LARP4B: variants seen among roughly 807,000 people sequenced by gnomAD.
LARP4B encodes la-related protein 4B.
A neutral mutation model predicts 89.8 loss-of-function variants in LARP4B; 12 were observed. The observed-to-expected ratio is 0.13, with a 90% CI of 0.09 to 0.22. The LOEUF is 0.22. Ranked by LOEUF, LARP4B falls within the 10% of genes least tolerant of loss-of-function variation. The pLI is 1.00. For synonymous variants in LARP4B, 367 were observed against 363.3 expected (o/e 1.01, Z -0.12); for missense variants, 757 against 947.7 (o/e 0.80, Z 2.64).
At chr10:882,347 T>C (rs1835703692) in intron 3 of LARP4B, among the ~76,000 whole-genome samples, 1 of 152,068 alleles carries the variant, frequency 6.6e-6, no homozygotes, top group Non-Finnish European at 1.5e-5. Context: ...GACAATCATG[T>C]CACTCATTAT....
intron 3 of LARP4B, among the ~76,000 whole-genome samples, chr10:870,603 T>C (rs1198572005): frequency 6.6e-6 from 1 of 152,230 alleles, no homozygotes; most frequent in Non-Finnish European, 1.5e-5. Context: ...AGAGTGGACT[T>C]GGCGTTTCCT....
At chr10:960,999 A>G in the LARP4B span, among the ~76,000 whole-genome samples, 1 of 152,214 alleles carries the variant, frequency 6.6e-6, no homozygotes. Context: ...GGAGCACAGC[A>G]GGAGCGGAAG....
chr10:939,412 C>G, the LARP4B span, among the ~76,000 whole-genome samples: 1 of 152,214 alleles, frequency 6.6e-6, no homozygotes, highest in African/African-American at 2.4e-5. Context: ...TTATAACTCT[C>G]TAGGGCTACA....
At chr10:919,590 G>C (rs1836925310) in intron 1 of LARP4B, among the ~76,000 whole-genome samples, 1 of 151,952 alleles carries the variant, frequency 6.6e-6, no homozygotes, top group African/African-American at 2.4e-5. Flanking sequence ...AGTTTCTTAA[G>C]AGTGTAAGAT....
downstream of LARP4B, chr10:807,976 G>T (rs1007196582): frequency 2.0e-5 from 3 of 152,238 alleles, no homozygotes; most frequent in African/African-American, 7.2e-5. Flanking sequence ...TTCTTCAGTT[G>T]GTTCAATCCA....
the LARP4B span, chr10:988,174 C>A: frequency 2.9e-6 from 1 of 349,486 alleles, no homozygotes; most frequent in Non-Finnish European, 5.3e-6. Flanking sequence ...TCCAGAAACC[C>A]GCAGGGCAGT....
At chr10:863,631 A>T in intron 5 of LARP4B, 112 bp downstream of exon 5, 2 of 1,194,872 alleles carry the variant, frequency 1.7e-6, no homozygotes, top group Non-Finnish European at 2.3e-6. Context: ...AAGTAGAATT[A>T]AAAGCAGGCA....
chr10:873,086 A>T, intron 3 of LARP4B: 1 of 985,374 alleles, frequency 1.0e-6, no homozygotes, highest in Non-Finnish European at 1.2e-6. Context: ...TTTTTGTAAC[A>T]GGCCAGTTTT....
In LARP4B at chr10:863,207, G is replaced by C. The variant is rs997786858; in HGVS notation, c.430+536C>G. ...ACCTCTGCACTTTTACTGACACTTC[G>C]CACTACTAAATAGGTTTCATTTTTT... On this transcript the variant is annotated intron_variant, in intron 5 of 17. Coordinates refer to ENST00000316157, the MANE Select transcript of LARP4B (RefSeq NM_015155.3). Among the ~76,000 whole-genome samples the C allele has an allele frequency of 2.7e-5, 4 of 149,116 alleles. No individual in the cohort carries two copies. In the South Asian group the frequency reaches 8.5e-4, roughly 32 times the overall value.
At chr10:945,557 G>A in the LARP4B span, among the ~76,000 whole-genome samples, 6 of 151,874 alleles carry the variant, frequency 4.0e-5, no homozygotes, top group South Asian at 2.1e-4. Context: ...GCATGGTGGC[G>A]GGCGCCTGTA....
the LARP4B span, chr10:987,883 G>A: frequency 6.6e-6 from 1 of 152,498 alleles, no homozygotes; most frequent in South Asian, 2.0e-4. Flanking sequence ...GCACGAGAAA[G>A]CAGGGCTGCA....
intron 1 of LARP4B, among the ~76,000 whole-genome samples, chr10:901,657 C>T (rs748343579): frequency 4.6e-5 from 7 of 151,968 alleles, no homozygotes; most frequent in Non-Finnish European, 1.0e-4. Context: ...AAGATACTGA[C>T]GGATAAAAGA....
chr10:818,540 T>A (rs1462871969), intron 14 of LARP4B: 1 of 152,180 alleles, frequency 6.6e-6, no homozygotes, highest in Non-Finnish European at 1.5e-5. Flanking sequence ...GAAAGCAAAC[T>A]CAGTATAATA....
At chr10:862,348 G>C (rs1834667938) in intron 5 of LARP4B, among the ~76,000 whole-genome samples, 1 of 147,624 alleles carries the variant, frequency 6.8e-6, no homozygotes, top group Non-Finnish European at 1.5e-5. Context: ...ACAGTCTTAA[G>C]CCAATGAAGT....
At position 925,731 on chromosome 10, in the gene LARP4B, A is replaced by T. The variant is rs1244300747; in HGVS notation, c.-40+5697T>A. Among the ~76,000 whole-genome samples the T allele has an allele frequency of 2.0e-5, 3 of 152,098 alleles. No homozygotes were observed. In the East Asian group the frequency reaches 5.8e-4, roughly 29 times the overall value. On this transcript the variant is annotated intron_variant, in intron 1 of 17. Transcript: ENST00000316157. The stretch of plus-strand genomic sequence containing the variant: ...GTATTTTTAGTACAGACAGGTTTTC[A>T]CCATGTTGGCCAGGCTGGTCTCGAA...
intron 7 of LARP4B, among the ~76,000 whole-genome samples, chr10:836,736 C>G (rs1296250210): frequency 1.3e-5 from 2 of 152,190 alleles, no homozygotes; most frequent in African/African-American, 4.8e-5. Flanking sequence ...CTAAACAGCT[C>G]AAGCACTAAG....
At chr10:987,230 T>A in the LARP4B span, 1 of 152,236 alleles carries the variant, frequency 6.6e-6, no homozygotes, top group East Asian at 1.9e-4. Flanking sequence ...GCCACAAAGA[T>A]GTAGGAGGTA....
the LARP4B span, among the ~76,000 whole-genome samples, chr10:975,577 G>A: frequency 6.6e-6 from 1 of 152,244 alleles, no homozygotes; most frequent in African/African-American, 2.4e-5. Flanking sequence ...GCTCCACTGC[G>A]TGGCGAATCG....
intron 1 of LARP4B, among the ~76,000 whole-genome samples, chr10:893,058 G>C (rs1250045790): frequency 6.7e-6 from 1 of 150,048 alleles, no homozygotes; most frequent in Non-Finnish European, 1.5e-5. Context: ...TTACAGGTGT[G>C]CAACACCATA....
Sources: allele counts gnomAD v4.1 joint callset (sites outside exome capture counted in the v4.1 genomes callset), GRCh38; gene constraint gnomAD v4.1.1; transcripts MANE v1.5; gene names NCBI Gene and HGNC (gene_info 2026-07-23, HGNC 2026-07-21).